Variants in PIF1 observed in about 807,000 individuals in gnomAD.
The protein encoded by PIF1 is ATP-dependent DNA helicase PIF1.
Under a neutral mutation model 62.3 loss-of-function variants are expected in PIF1, and 67 were observed. The observed-to-expected ratio is 1.08, with a 90% CI of 0.88 to 1.32. The LOEUF is 1.32. PIF1 is among the 40% of genes most tolerant of loss of function. The pLI, the probability that PIF1 is intolerant of heterozygous loss-of-function variation, is 0.00. For synonymous variants in PIF1, 364 were observed against 379.5 expected (o/e 0.96, Z 0.47); for missense variants, 886 against 866.1 (o/e 1.02, Z -0.29).
chr15:64,819,109 C>A lies in PIF1; in HGVS notation c.1440+8G>T. On this transcript the variant is annotated splice_region_variant and intron_variant, in intron 9 of 12. Transcript: ENST00000559239. ...GCTCCCAGGGGCTAGGCCCTGCTTC[C>A]CACTCACCTGGGCCCCCAGCTTTAG... is the stretch of plus-strand genomic sequence containing the variant. 1 of 1,578,184 alleles carries A rather than the reference C, an allele frequency of 6.3e-7. No homozygotes were observed. Among genetic ancestry groups the A allele is most frequent in the South Asian group, 1.2e-5 (1 of 84,732 alleles).
At chr15:64,820,051 A>C in intron 7 of PIF1, 65 bp from the exon 8 acceptor site, 1 of 1,566,864 alleles carries the variant, frequency 6.4e-7, no homozygotes, top group Admixed American at 1.8e-5. Context: ...GAACATGGGC[A>C]GGATGGCTCA....
intron 2 of PIF1, chr15:64,823,214 CT>C (rs1304251462): frequency 6.6e-6 from 1 of 152,208 alleles, no homozygotes; most frequent in Non-Finnish European, 1.5e-5. Flanking sequence ...TTCTGTAGTC[CT>C]TTGCAAGCCT....
At chr15:64,818,946 G>A (rs954030015) in intron 9 of PIF1, 171 bp downstream of exon 9, 9 of 493,518 alleles carry the variant, frequency 1.8e-5, no homozygotes, top group Admixed American at 1.6e-4. Flanking sequence ...GAGAAAAACA[G>A]TAGAAAGCTT....
intron 5 of PIF1, 35 bp downstream of exon 5, chr15:64,821,332 C>T (rs2084284352): frequency 6.2e-7 from 1 of 1,613,866 alleles, no homozygotes; most frequent in South Asian, 1.1e-5. Context: ...CCACCAGGTC[C>T]CAGTTCTCAC....
chr15:64,819,817 G>T (rs1330109190), intron 8 of PIF1, 30 bp downstream of exon 8: 1 of 1,609,786 alleles, frequency 6.2e-7, no homozygotes, highest in Non-Finnish European at 8.5e-7. Flanking sequence ...CTTCCCAGCT[G>T]GTCTTGCCCA....
In PIF1 at chr15:64,824,070, C is replaced by G. The variant is rs1233062550; in HGVS notation, c.266G>C (p.Arg89Pro). ...RFAEAGRSTL[R>P]LPAHDTPGAG... ...CCCGGGGGTGTCGTGGGCGGGGAGC[C>G]GCAGGGTGCTGCGCCCGGCCTCGGC... Residue 89 changes from arginine to proline, a missense_variant, in exon 2 of 13, where the codon CGG becomes CCG. Transcript: ENST00000559239. The G allele has an allele frequency of 5.5e-6, 7 of 1,265,382 alleles. No homozygotes were observed. In the East Asian group the frequency reaches 1.6e-4, roughly 29 times the overall value. The allele number at this position is 1,265,382 out of a possible 1,614,324, so 78.4% of individuals were successfully genotyped here. A position where few individuals can be genotyped will look rare whatever the true frequency, so the allele number is the denominator to read the frequency against.
At chr15:64,820,344 A>G (rs2084268321) in intron 7 of PIF1, among the ~76,000 whole-genome samples, 1 of 152,194 alleles carries the variant, frequency 6.6e-6, no homozygotes, top group Admixed American at 6.5e-5. Context: ...TCCAGGGTAC[A>G]ATCTTCTATC....
At chr15:64,820,139 C>T (rs2084265247) in intron 7 of PIF1, 153 bp from the exon 8 acceptor site, 5 of 884,160 alleles carry the variant, frequency 5.7e-6, no homozygotes, top group Non-Finnish European at 8.6e-6. Flanking sequence ...AGCTGGCCAA[C>T]CTGTCCCTTC....
intron 2 of PIF1, 94 bp from the exon 3 acceptor site, chr15:64,822,704 C>A: frequency 1.3e-6 from 2 of 1,545,074 alleles, no homozygotes; most frequent in South Asian, 1.2e-5. Flanking sequence ...GCCTGGTAAC[C>A]CTTTGTCCTC....
Position 64,815,720 on chromosome 15 carries a change from G to A in PIF1, c.*578C>T. On this transcript the variant is annotated 3_prime_UTR_variant, in exon 13 of 13. Transcript: ENST00000559239. Reference sequence around the variant, plus strand: ...TGTCCCCAAACACTATTTATCCCCTGAAAAAGCAGCTTAAAATATGGGTGC... The same window carrying A: ...TGTCCCCAAACACTATTTATCCCCTAAAAAAGCAGCTTAAAATATGGGTGC... 1.3e-6 allele frequency: 2 copies of A among 1,550,554 alleles called. No homozygotes were observed. The highest frequency in any genetic ancestry group is 1.7e-6 in the Non-Finnish European group (2 of 1,146,978).
chr15:64,820,060 C>T, intron 7 of PIF1, 74 bp from the exon 8 acceptor site: 3 of 1,551,192 alleles, frequency 1.9e-6, no homozygotes, highest in Non-Finnish European at 2.6e-6. Context: ...CAGGATGGCT[C>T]AAGCAGCAGG....
At position 64,822,386 on chromosome 15, in the gene PIF1, C is replaced by T. The variant is rs1434626478; in HGVS notation, c.697G>A (p.Gly233Arg). ...ATTCGCTTTAGCAGATATGACTTCC[C>T]TGTTCCTGGACAGGGGCAAAGTTAG... ...SIFFTGSAGT[G>R]KSYLLKRILG... The change falls in exon 4 of 13, where the codon GGG (glycine) becomes AGG (arginine). Residue 233 changes from glycine to arginine, a missense_variant. Physicochemically the swap from Gly to Arg is moderately radical, Grantham distance 125. Transcript: ENST00000559239. 6.2e-7 allele frequency: 1 copy of T among 1,614,168 alleles called. No homozygotes were observed. The highest frequency in any genetic ancestry group is 1.7e-5 in the Admixed American group (1 of 60,024).
upstream of PIF1, chr15:64,825,789 T>C (rs1289200141): frequency 2.0e-5 from 3 of 152,202 alleles, no homozygotes; most frequent in Admixed American, 2.0e-4. Flanking sequence ...GCTTGGGCTG[T>C]ACCAATTGCC....
rs751803696 is a variant in PIF1, at chr15:64,816,597, G to T, written c.1843C>A (p.Arg615=). ...ACCAGACTGAGGCTCCTGCCCCGCC[G>T]CAGGGTGGCATAGAAGTGCAGCACA... ...PRVLHFYATL[R]RGRSLSLESP... Residue 615 remains arginine, a synonymous_variant, in exon 12 of 13, where the codon CGG becomes AGG. Coordinates refer to ENST00000559239, the MANE Select transcript of PIF1 (RefSeq NM_001286496.2). 6 of 1,613,538 alleles carry T rather than the reference G, an allele frequency of 3.7e-6. No homozygotes were observed. The South Asian group carries it at 6.6e-5, about 18-fold the overall frequency.
At chr15:64,820,893 A>G (rs1359913043) in intron 7 of PIF1, 89 bp downstream of exon 7, 3 of 1,186,912 alleles carry the variant, frequency 2.5e-6, no homozygotes, top group Non-Finnish European at 2.5e-6. Context: ...TAACAATTCT[A>G]CCCCTTCTGT....
In PIF1 at chr15:64,824,077, T is replaced by C; in HGVS notation, c.259A>G (p.Thr87Ala). Residue 87 changes from threonine (T) to alanine (A), a missense_variant, in exon 2 of 13, where the codon ACC becomes GCC. Physicochemically the swap from Thr to Ala is moderately conservative, Grantham distance 58. Coordinates refer to ENST00000559239, the MANE Select transcript of PIF1 (RefSeq NM_001286496.2). ...FTRFAEAGRS[T>A]LRLPAHDTPG... ...GTGTCGTGGGCGGGGAGCCGCAGGG[T>C]GCTGCGCCCGGCCTCGGCGAAACGC... 1 of 1,267,034 alleles carries C rather than the reference T, an allele frequency of 7.9e-7. No individual in the cohort carries two copies. The highest frequency in any genetic ancestry group is 2.8e-5 in the South Asian group (1 of 35,614). The allele number at this position is 1,267,034 out of a possible 1,614,324, so 78.5% of individuals were successfully genotyped here.
rs1317591071 is a variant in PIF1, at chr15:64,816,335, G to A, written c.1889C>T (p.Ala630Val). Residue 630 changes from alanine (A) to valine (V), a missense_variant, in exon 13 of 13, where the codon GCA becomes GTA. Coordinates refer to ENST00000559239, the MANE Select transcript of PIF1 (RefSeq NM_001286496.2). The part of the protein sequence containing the change: ...LSLESPDDDE[A>V]ASDQENMDPI... ...GTCCATGTTCTCCTGGTCTGAGGCTGCCTCATCATCATCTGGGGACTCCTG... is the reference window on the plus strand; with the variant it reads ...GTCCATGTTCTCCTGGTCTGAGGCTACCTCATCATCATCTGGGGACTCCTG... 1.2e-6 allele frequency: 2 copies of A among 1,614,086 alleles called. No individual in the cohort carries two copies. The highest frequency in any genetic ancestry group is 2.2e-5 in the South Asian group (2 of 91,082).
chr15:64,826,634 A>ATATT (rs1455792597), upstream of PIF1, among the ~76,000 whole-genome samples: 1 of 17,830 alleles, frequency 5.6e-5, no homozygotes, highest in Non-Finnish European at 1.5e-4. Context: ...TTATATATAT[A>ATATT]TATATATATA....
chr15:64,816,128 G>T lies in PIF1; in HGVS notation c.*170C>A. On this transcript the variant is annotated 3_prime_UTR_variant, in exon 13 of 13. Transcript: ENST00000559239. Reference sequence around the variant, plus strand: ...GAAACTGAAGCACAGCTGGTATATGGGTTTAAAGTACTCTCCCTTTAACCC... The same window carrying T: ...GAAACTGAAGCACAGCTGGTATATGTGTTTAAAGTACTCTCCCTTTAACCC... 6.8e-7 allele frequency: 1 copy of T among 1,467,584 alleles called. No homozygotes were observed. The highest frequency in any genetic ancestry group is 9.0e-7 in the Non-Finnish European group (1 of 1,115,714). 90.9% of individuals were successfully genotyped at this position (1,467,584 alleles called of 1,614,324 possible).
Sources: gnomAD v4.1 joint callset for allele counts (sites outside exome capture counted in the v4.1 genomes callset) on GRCh38, gnomAD v4.1.1 for gene constraint, MANE v1.5 for transcripts, NCBI Gene and HGNC (gene_info 2026-07-23, HGNC 2026-07-21) for gene names.